DENND1A: variants seen among roughly 807,000 people sequenced by gnomAD.
DENND1A encodes the protein DENN domain containing 1A, also known as DENN domain-containing protein 1A.
DENND1A carries 51 observed loss-of-function variants against 113.7 expected under a neutral mutation model. The ratio of observed to expected loss-of-function variants is 0.45; its 90% confidence interval spans 0.36 to 0.57. The LOEUF is 0.57. Among genes scored for constraint, DENND1A ranks in the 20% least tolerant of loss-of-function variants. The probability of loss-of-function intolerance (pLI) is 0.00; values close to 1 mark genes in which losing one functional copy is unlikely to be tolerated. For synonymous variants in DENND1A, 565 were observed against 570.8 expected, an observed-to-expected ratio of 0.99 and a Z score of 0.14; for missense variants, 1,258 against 1,395.9, an observed-to-expected ratio of 0.90 and a Z score of 1.57.
intron 1 of DENND1A, among the ~76,000 whole-genome samples, chr9:123,894,271 T>C (rs1181376893): frequency 6.6e-6 from 1 of 152,194 alleles, no homozygotes; most frequent in Non-Finnish European, 1.5e-5. Flanking sequence ...TAAACAACGT[T>C]CAGAACTGTG....
chr9:123,401,854 C>T, intron 21 of DENND1A: 1 of 1,614,182 alleles, frequency 6.2e-7, no homozygotes, highest in Non-Finnish European at 8.5e-7. Context: ...AACTTGGCCG[C>T]AAAATGGGTA....
At chr9:123,753,855 T>C (rs890974342) in intron 5 of DENND1A, among the ~76,000 whole-genome samples, 2 of 152,046 alleles carry the variant, frequency 1.3e-5, no homozygotes, top group African/African-American at 4.8e-5. Context: ...TACCTCTACA[T>C]GGGGAAGGCT....
chr9:123,516,313 T>C (rs940515761), intron 13 of DENND1A, among the ~76,000 whole-genome samples: 4 of 152,046 alleles, frequency 2.6e-5, no homozygotes, highest in Non-Finnish European at 5.9e-5. Flanking sequence ...GAAAGATGTA[T>C]TTGTTACAAT....
chr9:123,858,069 AAAAAAAAGAAAAG>A (rs1350061016), intron 2 of DENND1A, among the ~76,000 whole-genome samples: 1 of 151,832 alleles, frequency 6.6e-6, no homozygotes, highest in Admixed American at 6.6e-5. Flanking sequence ...AAAAAAAAAA[AAAAAAAAGAAAAG>A]AAAGAAAGAA....
chr9:123,909,239 C>T (rs1182633998), intron 1 of DENND1A, among the ~76,000 whole-genome samples: 2 of 151,918 alleles, frequency 1.3e-5, no homozygotes, highest in East Asian at 1.9e-4. Context: ...GGCAGATATA[C>T]CTAATGCTAG....
chr9:123,406,536 CA>C lies in DENND1A; in HGVS notation c.1543-3047del, dbSNP rs1415878686. Among the ~76,000 whole-genome samples, 3 of 152,364 alleles carry C rather than the reference CA, an allele frequency of 2.0e-5. No homozygotes were observed. In the East Asian group the frequency reaches 5.8e-4, roughly 29 times the overall value. ...GACTGCCTGGTATGTCATGGTTGCTCAGCAAGATTTTTAGAAACGAATGAAT... is the reference window on the plus strand; with the variant it reads ...GACTGCCTGGTATGTCATGGTTGCTCGCAAGATTTTTAGAAACGAATGAAT... On this transcript the variant is annotated intron_variant, in intron 20 of 23. Transcript: ENST00000394215.
intron 18 of DENND1A, among the ~76,000 whole-genome samples, chr9:123,445,935 G>C (rs923687949): frequency 6.6e-6 from 1 of 152,202 alleles, no homozygotes; most frequent in African/African-American, 2.4e-5. Flanking sequence ...AAGTGTTGCT[G>C]TCTCAACACA....
chr9:123,890,769 A>G (rs1849781996), intron 1 of DENND1A, among the ~76,000 whole-genome samples: 1 of 152,212 alleles, frequency 6.6e-6, no homozygotes, highest in African/African-American at 2.4e-5. Context: ...TGGAATTTGA[A>G]CCCAGAGAGT....
intron 2 of DENND1A, among the ~76,000 whole-genome samples, chr9:123,826,626 C>T (rs924035876): frequency 3.9e-5 from 6 of 152,108 alleles, no homozygotes; most frequent in Non-Finnish European, 7.4e-5. Context: ...TTAGCTCTCC[C>T]CTTTTCACCT....
At chr9:123,708,330 T>C (rs1268618979) in intron 5 of DENND1A, among the ~76,000 whole-genome samples, 1 of 152,108 alleles carries the variant, frequency 6.6e-6, no homozygotes, top group African/African-American at 2.4e-5. Context: ...TGTATAAGAG[T>C]TCTATTCTGG....
intron 12 of DENND1A, among the ~76,000 whole-genome samples, chr9:123,559,509 A>G (rs1185535460): frequency 6.6e-6 from 1 of 152,154 alleles, no homozygotes; most frequent in African/African-American, 2.4e-5. Flanking sequence ...CTTTCCTCAG[A>G]TTCCTAAAGG....
intron 19 of DENND1A, among the ~76,000 whole-genome samples, chr9:123,423,333 A>G (rs2045459769): frequency 6.6e-6 from 1 of 152,224 alleles, no homozygotes; most frequent in Non-Finnish European, 1.5e-5. Context: ...TCCCTCCCCC[A>G]GCCAGCCCTC....
chr9:123,729,574 G>A (rs1265866906), intron 5 of DENND1A, among the ~76,000 whole-genome samples: 2 of 152,130 alleles, frequency 1.3e-5, no homozygotes, highest in East Asian at 3.9e-4. Flanking sequence ...ACCTCTTCAA[G>A]GAGAACTACA....
At chr9:123,585,758 G>A (rs2059133153) in intron 11 of DENND1A, among the ~76,000 whole-genome samples, 3 of 152,184 alleles carry the variant, frequency 2.0e-5, no homozygotes, top group Non-Finnish European at 2.9e-5. Context: ...TCAGAGATGA[G>A]TAACTGAGGC....
chr9:123,919,546 A>C (rs1855837255), intron 1 of DENND1A, among the ~76,000 whole-genome samples: 1 of 151,818 alleles, frequency 6.6e-6, no homozygotes, highest in Non-Finnish European at 1.5e-5. Flanking sequence ...TAAAAAGAAA[A>C]ATCTACCTTT....
chr9:123,505,387 T>C (rs1470746371), intron 13 of DENND1A, among the ~76,000 whole-genome samples: 1 of 152,206 alleles, frequency 6.6e-6, no homozygotes, highest in African/African-American at 2.4e-5. Context: ...CTTTAAACAA[T>C]GGATTGCGAA....
At chr9:123,870,273 T>A (rs1434212184) in intron 2 of DENND1A, among the ~76,000 whole-genome samples, 3 of 150,838 alleles carry the variant, frequency 2.0e-5, no homozygotes, top group Non-Finnish European at 4.4e-5. Context: ...TAATCAGCTT[T>A]TTTTTTTTTT....
chr9:123,858,076 A>AT (rs200651749), intron 2 of DENND1A, among the ~76,000 whole-genome samples: 1 of 151,462 alleles, frequency 6.6e-6, no homozygotes, highest in African/African-American at 2.4e-5. Context: ...AAAAAAAAAA[A>AT]GAAAAGAAAG....
intron 13 of DENND1A, among the ~76,000 whole-genome samples, chr9:123,547,006 T>A (rs2056743887): frequency 1.3e-5 from 2 of 152,214 alleles, no homozygotes; most frequent in Admixed American, 6.5e-5. Context: ...GAGCTACTTT[T>A]TACTTGGGCA....
Sources: gnomAD v4.1 joint callset for allele counts (sites outside exome capture counted in the v4.1 genomes callset) on GRCh38, gnomAD v4.1.1 for gene constraint, MANE v1.5 for transcripts, NCBI Gene and HGNC (gene_info 2026-07-23, HGNC 2026-07-21) for gene names.